The following COQ4 variants were observed in gnomAD, a reference collection of about 807,000 sequenced individuals.
The protein encoded by COQ4 is coenzyme Q4.
Under a neutral mutation model 30.2 loss-of-function variants are expected in COQ4, and 36 were observed. That is an observed-to-expected ratio of 1.19 (90% confidence interval 0.91 to 1.57). The LOEUF (loss-of-function observed/expected upper bound fraction) is 1.57. Among genes scored for constraint, COQ4 ranks in the 40% most tolerant of loss-of-function variants. The pLI, the probability that COQ4 is intolerant of heterozygous loss-of-function variation, is 0.00. For missense variants in COQ4, 369 were observed against 371.9 expected, an observed-to-expected ratio of 0.99 and a Z score of 0.07; for synonymous variants, 197 against 161.0, an observed-to-expected ratio of 1.22 and a Z score of -1.69.
chr9:128,325,750 C>A, intron 3 of COQ4, 29 bp from the exon 4 acceptor site: 1 of 1,580,142 alleles, frequency 6.3e-7, no homozygotes, highest in Non-Finnish European at 8.7e-7. Flanking sequence ...TTGCCCACAC[C>A]CTCCCAATGC....
At chr9:128,332,429 C>T in intron 5 of COQ4, 147 bp downstream of exon 5, 2 of 836,832 alleles carry the variant, frequency 2.4e-6, no homozygotes, top group South Asian at 3.4e-5. Flanking sequence ...ATCTTTGCCA[C>T]ATGTCCCCCT....
At chr9:128,326,781 G>A (rs552642548) in intron 4 of COQ4, among the ~76,000 whole-genome samples, 224 of 151,660 alleles carry the variant, frequency 1.5e-3, no homozygotes, top group Non-Finnish European at 2.4e-3. Flanking sequence ...ACAGGGTCCC[G>A]CTCTGCCACC....
intron 4 of COQ4, among the ~76,000 whole-genome samples, chr9:128,327,751 G>T (rs938602531): frequency 5.9e-5 from 9 of 152,226 alleles, no homozygotes; most frequent in African/African-American, 1.9e-4. Context: ...GCGGTGAGCC[G>T]TAATCACACC....
In COQ4 at chr9:128,333,601, C is replaced by A. The variant is rs774307090; in HGVS notation, c.754C>A (p.Leu252Met). 26 of 1,604,082 alleles carry A rather than the reference C, an allele frequency of 1.6e-5. No homozygotes were observed. In the East Asian group the frequency reaches 4.1e-4, roughly 25 times the overall value. Residue 252 changes from leucine (L) to methionine (M), a missense_variant, in exon 7 of 7, where the codon CTG becomes ATG. Coordinates refer to ENST00000300452, the MANE Select transcript of COQ4 (RefSeq NM_016035.5). ...EQSLRALREE[L>M]GITAPPMHVQ... is the part of the protein sequence containing the mutation. The stretch of plus-strand genomic sequence containing the variant: ...GTCCCTGAGGGCTCTGCGGGAGGAG[C>A]TGGGCATTACAGCACCACCCATGCA...
At chr9:128,329,655 C>T (rs1832374706) in intron 4 of COQ4, among the ~76,000 whole-genome samples, 2 of 152,354 alleles carry the variant, frequency 1.3e-5, no homozygotes, top group South Asian at 4.1e-4. Context: ...CAGGCATGAG[C>T]CACCACGCCC....
chr9:128,332,689 C>G, intron 5 of COQ4, 161 bp from the exon 6 acceptor site: 1 of 668,248 alleles, frequency 1.5e-6, no homozygotes, highest in Non-Finnish European at 2.7e-6. Context: ...CTCTCCTGTA[C>G]TCCAAGCCAA....
At position 128,322,852 on chromosome 9, in the gene COQ4, C is replaced by G. The variant is rs1832225828; in HGVS notation, c.-7C>G. Reference sequence around the variant, plus strand: ...TACCCGCCCATCCTCCGCGGACGCCCGCTGCCATGGCGACTCTGCTGCGCC... The same window carrying G: ...TACCCGCCCATCCTCCGCGGACGCCGGCTGCCATGGCGACTCTGCTGCGCC... On this transcript the variant is annotated 5_prime_UTR_variant, in exon 1 of 7. Coordinates refer to ENST00000300452, the MANE Select transcript of COQ4 (RefSeq NM_016035.5). 6.5e-7 allele frequency: 1 copy of G among 1,549,468 alleles called. No individual in the cohort carries two copies. The highest frequency in any genetic ancestry group is 8.7e-7 in the Non-Finnish European group (1 of 1,151,032).
intron 4 of COQ4, chr9:128,330,530 G>C (rs1281886944): frequency 1.3e-5 from 2 of 151,982 alleles, no homozygotes; most frequent in East Asian, 1.9e-4. Flanking sequence ...GTCTCACTCT[G>C]TTGCCCAGGC....
intron 4 of COQ4, among the ~76,000 whole-genome samples, chr9:128,327,777 G>A (rs1426431700): frequency 6.6e-6 from 1 of 152,164 alleles, no homozygotes; most frequent in African/African-American, 2.4e-5. Context: ...ACTCCAGCTT[G>A]GACAACAGAG....
intron 4 of COQ4, chr9:128,326,165 CTAT>C (rs985527163): frequency 3.5e-6 from 2 of 566,988 alleles, no homozygotes; most frequent in African/African-American, 3.8e-5. Flanking sequence ...CAAGTATGTT[CTAT>C]TATTATCCTC....
intron 4 of COQ4, chr9:128,331,260 C>T (rs922289454): frequency 7.2e-5 from 11 of 152,244 alleles, no homozygotes; most frequent in African/African-American, 2.7e-4. Flanking sequence ...TGGCAAGCGG[C>T]TGCCATACTG....
At chr9:128,329,602 T>C (rs1832373976) in intron 4 of COQ4, among the ~76,000 whole-genome samples, 1 of 152,190 alleles carries the variant, frequency 6.6e-6, no homozygotes, top group African/African-American at 2.4e-5. Context: ...ACTCCTGACC[T>C]CAAGTGATCC....
At chr9:128,331,865 C>T (rs756057380) in intron 4 of COQ4, 75 of 238,242 alleles carry the variant, frequency 3.1e-4, no homozygotes, top group Non-Finnish European at 5.4e-4. Context: ...GTAGCTGGGA[C>T]TACAGGTGTG....
rs777821562 is a variant in COQ4, at chr9:128,323,151, A to C, written c.202+4A>C. On this transcript the variant is annotated splice_donor_region_variant and intron_variant, in intron 2 of 6. Transcript: ENST00000300452. Reference sequence around the variant, plus strand: ...CTCTATAACCCCTACCGCCACGGTAAGGCCGCCCGCGCCTCGCCCCCGTGG... The same window carrying C: ...CTCTATAACCCCTACCGCCACGGTACGGCCGCCCGCGCCTCGCCCCCGTGG... 87 of 1,583,758 alleles carry C rather than the reference A, an allele frequency of 5.5e-5. No homozygotes were observed. Among genetic ancestry groups the C allele is most frequent in the Non-Finnish European group, 7.0e-5 (82 of 1,169,178 alleles).
Position 128,323,124 on chromosome 9 carries a change from C to T in COQ4, c.179C>T (p.Ala60Val), listed in dbSNP as rs1249884222. 2 of 1,609,204 alleles carry T rather than the reference C, an allele frequency of 1.2e-6. No individual in the cohort carries two copies. Among genetic ancestry groups the T allele is most frequent in the Non-Finnish European group, 8.5e-7 (1 of 1,179,284 alleles). ...GLLAAGSAAM[A>V]LYNPYRHDMV... ...TTGGCCGCCGGCTCCGCGGCGATGG[C>T]GCTCTATAACCCCTACCGCCACGGT... Residue 60 changes from alanine (A) to valine (V), a missense_variant, in exon 2 of 7, where the codon GCG becomes GTG. By Grantham distance (64) the Ala-to-Val change is moderately conservative. Coordinates refer to ENST00000300452, the MANE Select transcript of COQ4 (RefSeq NM_016035.5).
At chr9:128,332,359 AC>A in intron 5 of COQ4, 77 bp downstream of exon 5, 1 of 1,506,724 alleles carries the variant, frequency 6.6e-7, no homozygotes, top group Admixed American at 1.9e-5. Flanking sequence ...TATCTCCACC[AC>A]CCTCTGCATC....
intron 4 of COQ4, among the ~76,000 whole-genome samples, chr9:128,326,625 A>C (rs1036489753): frequency 6.6e-6 from 1 of 151,050 alleles, no homozygotes; most frequent in African/African-American, 2.4e-5. Context: ...TGTATTTTTT[A>C]GTAGAGACGG....
chr9:128,329,744 T>C (rs1832376057), intron 4 of COQ4, among the ~76,000 whole-genome samples: 1 of 152,188 alleles, frequency 6.6e-6, no homozygotes. Flanking sequence ...GGATAATATA[T>C]GTAAAAGACA....
In COQ4 at chr9:128,323,152, G is replaced by A; in HGVS notation, c.202+5G>A. ...TCTATAACCCCTACCGCCACGGTAA[G>A]GCCGCCCGCGCCTCGCCCCCGTGGG... On this transcript the variant is annotated splice_donor_5th_base_variant and intron_variant, in intron 2 of 6. Coordinates refer to ENST00000300452, the MANE Select transcript of COQ4 (RefSeq NM_016035.5). 1 of 1,582,634 alleles carries A rather than the reference G, an allele frequency of 6.3e-7. No individual in the cohort carries two copies. The highest frequency in any genetic ancestry group is 8.6e-7 in the Non-Finnish European group (1 of 1,168,834).
Sources: allele counts gnomAD v4.1 joint callset (sites outside exome capture counted in the v4.1 genomes callset), GRCh38; gene constraint gnomAD v4.1.1; transcripts MANE v1.5; gene names NCBI Gene and HGNC (gene_info 2026-07-23, HGNC 2026-07-21).